The following CAP2 variants were observed in gnomAD, a reference collection of about 807,000 sequenced individuals.
The protein encoded by CAP2 is adenylyl cyclase-associated protein 2.
In CAP2, 24 loss-of-function variants were observed where a neutral mutation model predicts 57.7. The observed-to-expected ratio is 0.42, with a 90% CI of 0.30 to 0.58. CAP2 has a LOEUF of 0.58. Among genes scored for constraint, CAP2 ranks in the 20% least tolerant of loss-of-function variants. The probability of loss-of-function intolerance (pLI) is 0.22; values close to 1 mark genes in which losing one functional copy is unlikely to be tolerated. For synonymous variants in CAP2, 194 were observed against 207.2 expected, an observed-to-expected ratio of 0.94 and a Z score of 0.55; for missense variants, 501 against 590.3, an observed-to-expected ratio of 0.85 and a Z score of 1.57.
At chr6:17,460,041 T>G (rs1760680713) in intron 3 of CAP2, among the ~76,000 whole-genome samples, 1 of 152,126 alleles carries the variant, frequency 6.6e-6, no homozygotes, top group Non-Finnish European at 1.5e-5. Flanking sequence ...CATATCTTAG[T>G]GAAGCTATTA....
rs926559607 is a variant in CAP2 at position 17,398,172 on chromosome 6, A to G, written c.-2+4426A>G. Among the ~76,000 whole-genome samples the G allele has an allele frequency of 3.9e-4, 60 of 152,202 alleles. 1 individual carries two copies. The highest frequency in any genetic ancestry group is 1.2e-4 in the Non-Finnish European group (8 of 68,036). ...CTCACGGACATCTTCATCTCCTTAT[A>G]TCACCTGGGTTTAGGATGAGAGGGA... is the stretch of plus-strand genomic sequence containing the variant. On this transcript the variant is annotated intron_variant, in intron 1 of 12. Transcript: ENST00000229922.
chr6:17,545,595 T>A (rs1763023496), intron 11 of CAP2, among the ~76,000 whole-genome samples: 1 of 152,300 alleles, frequency 6.6e-6, no homozygotes, highest in African/African-American at 2.4e-5. Flanking sequence ...ATGTGCACAA[T>A]GTGCAGGTTT....
At chr6:17,498,705 GTTTTA>G (rs1192932786) in intron 4 of CAP2, among the ~76,000 whole-genome samples, 4 of 152,044 alleles carry the variant, frequency 2.6e-5, no homozygotes, top group South Asian at 2.1e-4. Context: ...AAAATAGCTT[GTTTTA>G]TTTTATTTTA....
Position 17,507,808 on chromosome 6 carries a change from C to T in CAP2, c.530+82C>T. 5 of 773,558 alleles carry T rather than the reference C, an allele frequency of 6.5e-6. No individual in the cohort carries two copies. The East Asian group carries it at 9.9e-5, about 15-fold the overall frequency. 47.9% of individuals were successfully genotyped at this position (773,558 alleles called of 1,614,324 possible). On this transcript the variant is annotated intron_variant, in intron 6 of 12. Coordinates refer to ENST00000229922, the MANE Select transcript of CAP2 (RefSeq NM_006366.3). The stretch of plus-strand genomic sequence containing the variant: ...CCCTAAAACTCAGTCCAGTTAACTA[C>T]TGATTCCTTTCCAAGGCTCTACACT...
intron 4 of CAP2, among the ~76,000 whole-genome samples, chr6:17,487,157 G>A (rs540118789): frequency 1.2e-4 from 18 of 152,304 alleles, no homozygotes; most frequent in African/African-American, 4.1e-4. Context: ...AGCCATCCTC[G>A]TGCCTGCTGG....
intron 4 of CAP2, among the ~76,000 whole-genome samples, chr6:17,479,186 G>A (rs1761226137): frequency 6.6e-6 from 1 of 152,120 alleles, no homozygotes; most frequent in South Asian, 2.1e-4. Flanking sequence ...CAAATGCAGT[G>A]CGTCTGTACC....
chr6:17,508,421 T>G (rs1397301258), intron 6 of CAP2, among the ~76,000 whole-genome samples: 4 of 151,950 alleles, frequency 2.6e-5, no homozygotes, highest in Non-Finnish European at 5.9e-5. Flanking sequence ...TCCAGGAAAA[T>G]GTGTCCTAAA....
intron 3 of CAP2, among the ~76,000 whole-genome samples, chr6:17,459,884 A>C (rs566363425): frequency 6.6e-6 from 1 of 152,314 alleles, no homozygotes; most frequent in East Asian, 1.9e-4. Flanking sequence ...AATATTCTAC[A>C]CTATGAGGAT....
intron 4 of CAP2, among the ~76,000 whole-genome samples, chr6:17,505,868 C>G (rs1761968170): frequency 6.6e-6 from 1 of 152,034 alleles, no homozygotes. Flanking sequence ...CAGCTCATGT[C>G]ATTTTGTTTT....
intron 7 of CAP2, among the ~76,000 whole-genome samples, chr6:17,531,898 A>G (rs973128930): frequency 1.3e-5 from 2 of 152,072 alleles, no homozygotes; most frequent in Admixed American, 1.3e-4. Context: ...CTTCATCTAC[A>G]ATTACTTCTT....
intron 8 of CAP2, 112 bp downstream of exon 8, chr6:17,539,570 C>G: frequency 1.2e-5 from 9 of 781,664 alleles, no homozygotes; most frequent in Non-Finnish European, 1.6e-5. Flanking sequence ...CTGCCTCCAG[C>G]ATGCAGGGAG....
At chr6:17,503,449 C>A (rs1456849207) in intron 4 of CAP2, among the ~76,000 whole-genome samples, 1 of 151,982 alleles carries the variant, frequency 6.6e-6, no homozygotes, top group Admixed American at 6.6e-5. Flanking sequence ...TCTAACAATA[C>A]AAAAATTAGC....
intron 4 of CAP2, among the ~76,000 whole-genome samples, chr6:17,468,098 A>G (rs901073793): frequency 1.8e-4 from 27 of 152,140 alleles, no homozygotes; most frequent in African/African-American, 6.5e-4. Context: ...TATTTCACGT[A>G]ACATAACAAT....
At chr6:17,442,106 G>C (rs555469698) in intron 3 of CAP2, among the ~76,000 whole-genome samples, 1 of 152,124 alleles carries the variant, frequency 6.6e-6, no homozygotes, top group Non-Finnish European at 1.5e-5. Flanking sequence ...TACTTTAGGG[G>C]CAATTAAATT....
chr6:17,494,530 T>C (rs1761618721), intron 4 of CAP2, among the ~76,000 whole-genome samples: 1 of 152,224 alleles, frequency 6.6e-6, no homozygotes, highest in South Asian at 2.1e-4. Context: ...AGACCTGTGC[T>C]GGCCATCCTA....
chr6:17,525,481 G>T (rs565195792), intron 7 of CAP2, among the ~76,000 whole-genome samples: 8 of 145,220 alleles, frequency 5.5e-5, no homozygotes, highest in Non-Finnish European at 9.0e-5. Context: ...AAAAAAAAAA[G>T]AAAGAAAAAA....
chr6:17,494,040 A>G (rs1349076852), intron 4 of CAP2, among the ~76,000 whole-genome samples: 6 of 152,056 alleles, frequency 3.9e-5, no homozygotes, highest in Admixed American at 3.3e-4. Flanking sequence ...TCTAAAATCT[A>G]CTTTTCACAA....
chr6:17,509,597 C>G (rs1762089398), intron 6 of CAP2, among the ~76,000 whole-genome samples: 1 of 152,058 alleles, frequency 6.6e-6, no homozygotes, highest in Non-Finnish European at 1.5e-5. Context: ...ATCACTTGAA[C>G]CCGGGAGGCG....
chr6:17,476,360 T>C (rs73721587), intron 4 of CAP2, among the ~76,000 whole-genome samples: 2,163 of 152,284 alleles, frequency 0.014, 41 homozygotes, highest in African/African-American at 0.045. Context: ...ATAATTTTAT[T>C]TGACTCTTTA....
Sources: allele counts gnomAD v4.1 joint callset (sites outside exome capture counted in the v4.1 genomes callset), GRCh38; gene constraint gnomAD v4.1.1; transcripts MANE v1.5; gene names NCBI Gene and HGNC (gene_info 2026-07-23, HGNC 2026-07-21).